The following CNTN5 variants were observed in gnomAD, a reference collection of about 807,000 sequenced individuals.
CNTN5 encodes the protein contactin 5, also known as contactin-5.
Under a neutral mutation model 129.1 loss-of-function variants are expected in CNTN5, and 77 were observed. The ratio of observed to expected loss-of-function variants is 0.60; its 90% CI spans 0.50 to 0.72. The LOEUF (loss-of-function observed/expected upper bound fraction) is 0.72, where lower values mean the gene tolerates loss of function less well. Ranked by LOEUF, CNTN5 falls within the 30% of genes least tolerant of loss-of-function variation. The pLI is 0.00. For synonymous variants in CNTN5, 509 were observed against 465.6 expected (o/e 1.09, Z -1.20); for missense variants, 1,478 against 1,328.8 (o/e 1.11, Z -1.75).
chr11:99,389,786 G>T (rs1941155000), intron 2 of CNTN5, among the ~76,000 whole-genome samples: 1 of 152,154 alleles, frequency 6.6e-6, no homozygotes, highest in African/African-American at 2.4e-5. Context: ...TCTGATTAGA[G>T]ATTTAAATTA....
chr11:99,419,802 C>A (rs562691087), intron 2 of CNTN5, among the ~76,000 whole-genome samples: 4 of 152,052 alleles, frequency 2.6e-5, no homozygotes, highest in Non-Finnish European at 4.4e-5. Context: ...GTGGTATTTT[C>A]TTACAAATTA....
At chr11:99,742,702 A>G (rs955784339) in intron 3 of CNTN5, among the ~76,000 whole-genome samples, 7 of 152,202 alleles carry the variant, frequency 4.6e-5, no homozygotes, top group Non-Finnish European at 8.8e-5. Flanking sequence ...GTGTTGAGAT[A>G]AGAAATTTAC....
At chr11:99,524,500 G>A (rs1047970452) in intron 2 of CNTN5, among the ~76,000 whole-genome samples, 2 of 151,992 alleles carry the variant, frequency 1.3e-5, no homozygotes, top group African/African-American at 2.4e-5. Context: ...GAAATAATAC[G>A]TGTGTCAATG....
At chr11:99,590,045 C>T (rs1730800465) in intron 3 of CNTN5, among the ~76,000 whole-genome samples, 1 of 151,986 alleles carries the variant, frequency 6.6e-6, no homozygotes, top group Non-Finnish European at 1.5e-5. Flanking sequence ...GAGAGATGAA[C>T]TTCAGGTATA....
chr11:99,900,405 T>C (rs1025149079), intron 6 of CNTN5, among the ~76,000 whole-genome samples: 1 of 152,100 alleles, frequency 6.6e-6, no homozygotes, highest in Non-Finnish European at 1.5e-5. Context: ...ATTATCTTTT[T>C]GATGTATTTC....
At chr11:99,195,447 C>T (rs1157311296) in intron 1 of CNTN5, among the ~76,000 whole-genome samples, 1 of 151,710 alleles carries the variant, frequency 6.6e-6, no homozygotes, top group African/African-American at 2.4e-5. Context: ...TTAATATCAG[C>T]AATCCTAATC....
intron 9 of CNTN5, among the ~76,000 whole-genome samples, chr11:100,023,320 G>T (rs1300578782): frequency 6.6e-6 from 1 of 152,016 alleles, no homozygotes; most frequent in African/African-American, 2.4e-5. Flanking sequence ...GTGAAATTTT[G>T]ATTTTTTCAG....
intron 4 of CNTN5, among the ~76,000 whole-genome samples, chr11:99,839,954 G>A (rs1187618671): frequency 2.6e-5 from 4 of 151,924 alleles, no homozygotes; most frequent in African/African-American, 9.7e-5. Flanking sequence ...GAAAAAGAAA[G>A]TCATAAGACT....
intron 1 of CNTN5, among the ~76,000 whole-genome samples, chr11:99,084,159 T>C (rs1865910276): frequency 6.6e-6 from 1 of 152,190 alleles, no homozygotes; most frequent in Middle Eastern, 3.2e-3. Context: ...CATATATGCT[T>C]GTGTCATTTC....
At chr11:100,073,769 T>C (rs761544966) in intron 12 of CNTN5, among the ~76,000 whole-genome samples, 7 of 152,158 alleles carry the variant, frequency 4.6e-5, no homozygotes, top group Non-Finnish European at 1.0e-4. Flanking sequence ...CACAGGATTG[T>C]CTTTTTCGCA....
chr11:99,669,452 GTGTGTGTGTGTGTGTGTGTGTATA>G (rs1444124205), intron 3 of CNTN5, among the ~76,000 whole-genome samples: 2 of 77,840 alleles, frequency 2.6e-5, no homozygotes, highest in Admixed American at 1.5e-4. Context: ...GTGTGTGTGT[GTGTGTGTGTGTGTGTGTGTGTATA>G]TGTGTATACA....
At chr11:100,146,569 A>G (rs929693224) in intron 13 of CNTN5, among the ~76,000 whole-genome samples, 6 of 152,178 alleles carry the variant, frequency 3.9e-5, no homozygotes, top group Admixed American at 1.3e-4. Context: ...TTTTAGTGAC[A>G]AATGAAATAA....
intron 3 of CNTN5, among the ~76,000 whole-genome samples, chr11:99,618,158 C>G (rs1235181100): frequency 6.6e-6 from 1 of 152,064 alleles, no homozygotes; most frequent in South Asian, 2.1e-4. Flanking sequence ...CTCAGTATAC[C>G]TTTACCCTCC....
At chr11:100,350,552 G>C (rs1168148438) in intron 23 of CNTN5, 150 bp from the exon 24 acceptor site, 1 of 526,186 alleles carries the variant, frequency 1.9e-6, no homozygotes, top group South Asian at 3.5e-5. Context: ...TACTTCTACT[G>C]CAGTAGACTG....
chr11:99,125,438 A>G (rs775846730), intron 1 of CNTN5, among the ~76,000 whole-genome samples: 7 of 152,046 alleles, frequency 4.6e-5, no homozygotes, highest in Non-Finnish European at 8.8e-5. Flanking sequence ...ATACTAGGCA[A>G]TAAAGAAACT....
chr11:100,241,501 G>C (rs947883327), intron 16 of CNTN5, among the ~76,000 whole-genome samples: 10 of 152,100 alleles, frequency 6.6e-5, no homozygotes, highest in Admixed American at 6.6e-4. Flanking sequence ...AGTGCTCTAG[G>C]GAGTCTTACG....
chr11:99,225,570 T>A (rs1362150464), intron 1 of CNTN5, among the ~76,000 whole-genome samples: 1 of 152,134 alleles, frequency 6.6e-6, no homozygotes, highest in East Asian at 1.9e-4. Flanking sequence ...TCCAACTAAC[T>A]GTGCTTTTGA....
chr11:99,505,383 C>T (rs1591179292), intron 2 of CNTN5, among the ~76,000 whole-genome samples: 1 of 152,248 alleles, frequency 6.6e-6, no homozygotes, highest in African/African-American at 2.4e-5. Context: ...TCCTGCTTTG[C>T]TGAATAGTAT....
chr11:99,879,465 T>C (rs772519252), intron 6 of CNTN5, among the ~76,000 whole-genome samples: 3 of 152,192 alleles, frequency 2.0e-5, no homozygotes, highest in Non-Finnish European at 2.9e-5. Context: ...CATTTTGAAA[T>C]TGGACAGAAC....
Sources: allele counts gnomAD v4.1 joint callset (sites outside exome capture counted in the v4.1 genomes callset), GRCh38; gene constraint gnomAD v4.1.1; transcripts MANE v1.5; gene names NCBI Gene and HGNC (gene_info 2026-07-23, HGNC 2026-07-21).